The following CATSPERQ variants were observed in gnomAD, a reference collection of about 807,000 sequenced individuals.
CATSPERQ encodes the protein cation channel sperm-associated auxiliary subunit theta.
the CATSPERQ span, chr8:144,354,644 A>G: frequency 2.6e-6 from 4 of 1,518,296 alleles, no homozygotes; most frequent in Admixed American, 2.0e-5. The surrounding 1 kb of genome is among the most constrained non-coding windows in gnomAD (Gnocchi z 4.6). Flanking sequence ...ACGAATGGGT[A>G]GAAGCTATTG....
the CATSPERQ span, chr8:144,354,456 C>T: frequency 2.3e-6 from 3 of 1,299,448 alleles, no homozygotes; most frequent in East Asian, 2.7e-5. This position sits in a 1 kb window ranked among gnomAD's most constrained non-coding sequence, Gnocchi z 4.6. Context: ...TCGCCTGCGG[C>T]CTCTCCGTCC....
chr8:144,353,754 G>A, the CATSPERQ span: 2 of 1,535,002 alleles, frequency 1.3e-6, no homozygotes, highest in African/African-American at 1.4e-5. Context: ...TCCTGAGGAG[G>A]GCGCGTGTCT....
the CATSPERQ span, chr8:144,353,750 G>A: frequency 6.5e-7 from 1 of 1,534,916 alleles, no homozygotes; most frequent in Non-Finnish European, 8.7e-7. Context: ...CGTGTCCTGA[G>A]GAGGGCGCGT....
At chr8:144,354,694 A>G in the CATSPERQ span, 1 of 1,535,380 alleles carries the variant, frequency 6.5e-7, no homozygotes, top group Non-Finnish European at 8.7e-7. This position sits in a 1 kb window ranked among gnomAD's most constrained non-coding sequence, Gnocchi z 4.6. Context: ...CGGGCAGGTG[A>G]GTCCTAGGAA....
the CATSPERQ span, chr8:144,353,703 G>A: frequency 6.6e-6 from 10 of 1,514,188 alleles, no homozygotes; most frequent in Non-Finnish European, 8.8e-6. Flanking sequence ...TGCGGAAACG[G>A]CCCCACCCAA....
At chr8:144,353,741 G>A in the CATSPERQ span, 6 of 1,532,902 alleles carry the variant, frequency 3.9e-6, no homozygotes, top group East Asian at 2.4e-5. Flanking sequence ...CGGTGTCATC[G>A]TGTCCTGAGG....
At chr8:144,354,548 G>A in the CATSPERQ span, 1 of 1,404,130 alleles carries the variant, frequency 7.1e-7, no homozygotes, top group Non-Finnish European at 9.5e-7. The surrounding 1 kb of genome is among the most constrained non-coding windows in gnomAD (Gnocchi z 4.6). Flanking sequence ...CCTCGGGCCC[G>A]TCTCCCTCCT....
the CATSPERQ span, chr8:144,353,863 G>A: frequency 6.5e-7 from 1 of 1,534,714 alleles, no homozygotes; most frequent in South Asian, 1.2e-5. Flanking sequence ...CCTTCCGTGG[G>A]CTGCGGGGAG....
chr8:144,354,042 G>A, the CATSPERQ span: 14 of 1,535,480 alleles, frequency 9.1e-6, no homozygotes, highest in Admixed American at 2.0e-5. This position sits in a 1 kb window ranked among gnomAD's most constrained non-coding sequence, Gnocchi z 4.6. Context: ...GGTACACGCC[G>A]CGCGTGTGGT....
chr8:144,354,593 C>T, the CATSPERQ span: 1 of 1,441,448 alleles, frequency 6.9e-7, no homozygotes, highest in South Asian at 1.3e-5. This position sits in a 1 kb window ranked among gnomAD's most constrained non-coding sequence, Gnocchi z 4.6. Context: ...CGCCCCGCCC[C>T]GCCCCGCCCA....
the CATSPERQ span, chr8:144,354,266 C>T: frequency 1.3e-6 from 2 of 1,536,324 alleles, no homozygotes; most frequent in Non-Finnish European, 1.7e-6. The surrounding 1 kb of genome is among the most constrained non-coding windows in gnomAD (Gnocchi z 4.6). Context: ...CTGACCAGGA[C>T]CACGCTGATG....
chr8:144,353,725 AGTGATCG>A, the CATSPERQ span: 63 of 1,529,510 alleles, frequency 4.1e-5, no homozygotes, highest in South Asian at 2.5e-4. Context: ...GACCTTAAAC[AGTGATCG>A]GTGTCATCGT....
the CATSPERQ span, chr8:144,353,563 C>G: frequency 6.6e-7 from 1 of 1,506,432 alleles, no homozygotes; most frequent in Admixed American, 2.1e-5. Flanking sequence ...GGGGCCGGGA[C>G]AGGACAGACC....
At chr8:144,353,997 G>A in the CATSPERQ span, 9 of 1,535,024 alleles carry the variant, frequency 5.9e-6, no homozygotes, top group Middle Eastern at 6.7e-4. Context: ...GATGCAAGGG[G>A]CCCTGGCACA....
the CATSPERQ span, chr8:144,354,812 G>A: frequency 2.6e-6 from 4 of 1,519,480 alleles, no homozygotes; most frequent in Admixed American, 2.0e-5. This position sits in a 1 kb window ranked among gnomAD's most constrained non-coding sequence, Gnocchi z 4.6. Context: ...GTCCGCTGCC[G>A]CCGCCCACTG....
At chr8:144,353,454 T>G in the CATSPERQ span, 1 of 1,535,818 alleles carries the variant, frequency 6.5e-7, no homozygotes, top group Non-Finnish European at 8.7e-7. Context: ...CACGTGCCGG[T>G]AGGAGGTGGC....
chr8:144,353,848 A>G, the CATSPERQ span: 10 of 1,535,276 alleles, frequency 6.5e-6, no homozygotes, highest in African/African-American at 1.4e-5. Context: ...CAGGTGGAAG[A>G]AGCACCTTCC....
the CATSPERQ span, chr8:144,354,191 C>A: frequency 1.3e-6 from 2 of 1,543,490 alleles, no homozygotes; most frequent in Non-Finnish European, 8.7e-7. The surrounding 1 kb of genome is among the most constrained non-coding windows in gnomAD (Gnocchi z 4.6). Flanking sequence ...GCGGGGCCGG[C>A]CCTCAGGGGA....
At chr8:144,354,768 C>G in the CATSPERQ span, 1 of 1,534,572 alleles carries the variant, frequency 6.5e-7, no homozygotes, top group South Asian at 1.2e-5. The surrounding 1 kb of genome is among the most constrained non-coding windows in gnomAD (Gnocchi z 4.6). Context: ...CCTTAGGCAT[C>G]TGAGTCAGGC....
Sources: gnomAD v4.1 joint callset for allele counts on GRCh38, gnomAD v4.1.1 for gene constraint, Gnocchi (gnomAD v3.1) non-coding constraint, MANE v1.5 for transcripts, NCBI Gene and HGNC (gene_info 2026-07-23, HGNC 2026-07-21) for gene names.